Variants in POLR1A observed in about 807,000 individuals in gnomAD.
POLR1A encodes RNA polymerase I subunit A, also known as DNA-directed RNA polymerase I subunit RPA1.
POLR1A carries 84 observed loss-of-function variants against 205.3 expected under a neutral mutation model. The ratio of observed to expected loss-of-function variants is 0.41; its 90% CI spans 0.34 to 0.49. The LOEUF (loss-of-function observed/expected upper bound fraction) is 0.49. Ranked by LOEUF, POLR1A falls within the 20% of genes least tolerant of loss-of-function variation. POLR1A has a pLI of 0.22. For missense variants in POLR1A, 1,645 were observed against 2,204.5 expected, an observed-to-expected ratio of 0.75 and a Z score of 5.08; for synonymous variants, 799 against 863.7, an observed-to-expected ratio of 0.93 and a Z score of 1.31.
Position 86,028,074 on chromosome 2 carries a change from G to A in POLR1A, c.4898-25C>T, listed in dbSNP as rs1195627950. 3 of 1,613,542 alleles carry A rather than the reference G, an allele frequency of 1.9e-6. No homozygotes were observed. Among genetic ancestry groups the A allele is most frequent in the Non-Finnish European group, 2.5e-6 (3 of 1,179,588 alleles). On this transcript the variant is annotated intron_variant, in intron 32 of 33. Coordinates refer to ENST00000263857, the MANE Select transcript of POLR1A (RefSeq NM_015425.6). The surrounding 1 kb of genome is among the most constrained non-coding windows in gnomAD (Gnocchi z 4.5). ...CCTGTCAAACGGGAGGTAAAATTAG[G>A]AGGGATTAAGCAGTGACCACGGGAG...
intron 25 of POLR1A, among the ~76,000 whole-genome samples, chr2:86,039,742 G>A (rs1302890266): frequency 2.0e-5 from 3 of 152,202 alleles, no homozygotes; most frequent in Non-Finnish European, 2.9e-5. Flanking sequence ...ACAGGTGCCT[G>A]CTGACGCTTA....
At chr2:86,077,303 A>G (rs551111684) in intron 11 of POLR1A, among the ~76,000 whole-genome samples, 11 of 152,248 alleles carry the variant, frequency 7.2e-5, no homozygotes, top group African/African-American at 2.6e-4. Context: ...GGTCGGGGGG[A>G]GAGCACTAAC....
intron 13 of POLR1A, 133 bp from the exon 14 acceptor site, chr2:86,065,598 CCTCA>C (rs1207454099): frequency 2.1e-5 from 15 of 714,332 alleles, no homozygotes; most frequent in Non-Finnish European, 3.3e-5. Context: ...TTGCCCACAT[CCTCA>C]CTATGTTCTT....
intron 11 of POLR1A, among the ~76,000 whole-genome samples, chr2:86,077,244 C>G (rs1311777473): frequency 6.6e-6 from 1 of 152,212 alleles, no homozygotes; most frequent in Non-Finnish European, 1.5e-5. Context: ...CTGAGCACCA[C>G]AGCATGAAGT....
At chr2:86,096,678 G>A (rs1350582273) in intron 3 of POLR1A, among the ~76,000 whole-genome samples, 1 of 152,188 alleles carries the variant, frequency 6.6e-6, no homozygotes, top group Non-Finnish European at 1.5e-5. Flanking sequence ...TGGGGAAAAG[G>A]ACAGTGCCTT....
At position 86,078,000 on chromosome 2, in the gene POLR1A, T is replaced by C. The variant is rs2288117; in HGVS notation, c.1258-19A>G. 0.93 allele frequency: 1,495,123 copies of C among 1,613,770 alleles called. 693,955 individuals are homozygous for C. Among genetic ancestry groups the C allele is most frequent in the East Asian group, 0.98 (44,164 of 44,864 alleles). The stretch of plus-strand genomic sequence containing the variant: ...CCAGGATCTTTATGGAGAAAAAAGG[T>C]CATAAAAAACATTCAACAAGAATTC... On this transcript the variant is annotated intron_variant, in intron 10 of 33. Coordinates refer to ENST00000263857, the MANE Select transcript of POLR1A (RefSeq NM_015425.6).
At chr2:86,097,040 C>T (rs958033146) in intron 3 of POLR1A, among the ~76,000 whole-genome samples, 3 of 151,236 alleles carry the variant, frequency 2.0e-5, no homozygotes, top group Non-Finnish European at 4.4e-5. Context: ...CCAAACAATT[C>T]GATTAAAAAA....
Position 86,026,137 on chromosome 2 carries a change from G to A in POLR1A, c.*1286C>T, listed in dbSNP as rs1672243205. ...CTCCTGGCCACAGGGCCAGCAGCTA[G>A]CTCTGGAAGGAGGTCACAGCAGAGG... is the stretch of plus-strand genomic sequence containing the variant. On this transcript the variant is annotated 3_prime_UTR_variant, in exon 34 of 34. Transcript: ENST00000263857. The A allele has an allele frequency of 6.6e-6, 1 of 152,364 alleles. No individual in the cohort carries two copies. The highest frequency in any genetic ancestry group is 6.5e-5 in the Admixed American group (1 of 15,282). The allele number at this position is 152,364 out of a possible 1,614,324, so 9.4% of individuals were successfully genotyped here.
intron 14 of POLR1A, among the ~76,000 whole-genome samples, chr2:86,058,668 T>G (rs1672943733): frequency 6.6e-6 from 1 of 151,998 alleles, no homozygotes; most frequent in Non-Finnish European, 1.5e-5. Context: ...AATGTTTTCT[T>G]AAACCAAGAA....
intron 14 of POLR1A, among the ~76,000 whole-genome samples, chr2:86,057,894 T>C (rs764993614): frequency 1.3e-5 from 2 of 152,084 alleles, no homozygotes; most frequent in Non-Finnish European, 2.9e-5. Context: ...TTGCACAACA[T>C]AGTGAATACA....
chr2:86,075,571 C>T (rs982193283), intron 11 of POLR1A, among the ~76,000 whole-genome samples: 15 of 152,136 alleles, frequency 9.9e-5, no homozygotes, highest in Non-Finnish European at 1.2e-4. Flanking sequence ...TGCAATGGCG[C>T]GATCTCGGCT....
rs1672308377 is a variant in POLR1A at position 86,028,352 on chromosome 2, G to A, written c.4897+242C>T. On this transcript the variant is annotated intron_variant, in intron 32 of 33. Transcript: ENST00000263857. The surrounding 1 kb of genome is among the most constrained non-coding windows in gnomAD (Gnocchi z 4.5). ...AGGATGGGGCCAAGTTATCAATCAGGAGCTTTCTCTAAGGCACCAGCAGAT... is the reference window on the plus strand; with the variant it reads ...AGGATGGGGCCAAGTTATCAATCAGAAGCTTTCTCTAAGGCACCAGCAGAT... Among the ~76,000 whole-genome samples the A allele has an allele frequency of 6.6e-6, 1 of 152,176 alleles. No homozygotes were observed. Among genetic ancestry groups the A allele is most frequent in the Non-Finnish European group, 1.5e-5 (1 of 68,040 alleles).
At chr2:86,097,237 A>AAAAAAAAAAAAAAC (rs1673721689) in intron 3 of POLR1A, among the ~76,000 whole-genome samples, 2 of 148,342 alleles carry the variant, frequency 1.3e-5, no homozygotes, top group Non-Finnish European at 3.0e-5. Flanking sequence ...AAAAAAAAAA[A>AAAAAAAAAAAAAAC]AAAAAGCAAA....
At chr2:86,084,982 G>A (rs2104425210) in intron 6 of POLR1A, among the ~76,000 whole-genome samples, 1 of 150,122 alleles carries the variant, frequency 6.7e-6, no homozygotes, top group East Asian at 2.0e-4. Flanking sequence ...TTTTTTCTGA[G>A]ACAGAGACTT....
At chr2:86,092,492 C>T (rs1360789912) in intron 3 of POLR1A, among the ~76,000 whole-genome samples, 2 of 152,224 alleles carry the variant, frequency 1.3e-5, no homozygotes, top group East Asian at 1.9e-4. Context: ...TGCTGGCATA[C>T]TATGTCTCCA....
chr2:86,044,318 A>T lies in POLR1A; in HGVS notation c.2970-14T>A, dbSNP rs756671419. 6.2e-7 allele frequency: 1 copy of T among 1,613,888 alleles called. No homozygotes were observed. Among genetic ancestry groups the T allele is most frequent in the Admixed American group, 1.7e-5 (1 of 60,016 alleles). On this transcript the variant is annotated splice_polypyrimidine_tract_variant and intron_variant, in intron 21 of 33. Transcript: ENST00000263857. Reference sequence around the variant, plus strand: ...TTGATGATGCACCTGTAAGGACACCATCGGCTCAGTCCCCGCCGGCCCATC... The same window carrying T: ...TTGATGATGCACCTGTAAGGACACCTTCGGCTCAGTCCCCGCCGGCCCATC...
chr2:86,048,506 C>G (rs1463518118), intron 18 of POLR1A, among the ~76,000 whole-genome samples: 1 of 152,216 alleles, frequency 6.6e-6, no homozygotes, highest in Non-Finnish European at 1.5e-5. Context: ...AGGACTGGAA[C>G]CTGAGCCTTC....
chr2:86,042,736 T>A (rs993135918), intron 23 of POLR1A, among the ~76,000 whole-genome samples: 3 of 151,756 alleles, frequency 2.0e-5, no homozygotes, highest in African/African-American at 7.3e-5. Context: ...CCTTCACACC[T>A]GGGATCGCGG....
intron 6 of POLR1A, among the ~76,000 whole-genome samples, chr2:86,084,398 C>CA (rs754328405): frequency 7.3e-5 from 11 of 150,888 alleles, no homozygotes; most frequent in Non-Finnish European, 1.5e-4. Context: ...GCCTGGATGA[C>CA]AAAGTGAGAC....
Sources: allele counts gnomAD v4.1 joint callset (sites outside exome capture counted in the v4.1 genomes callset), GRCh38; gene constraint gnomAD v4.1.1; non-coding constraint Gnocchi (gnomAD v3.1); transcripts MANE v1.5; gene names NCBI Gene and HGNC (gene_info 2026-07-23, HGNC 2026-07-21).